BICD2: variants seen among roughly 807,000 people sequenced by gnomAD.
The protein encoded by BICD2 is BICD cargo adaptor 2.
In BICD2, 25 loss-of-function variants were observed where a neutral mutation model predicts 72.9. The observed-to-expected ratio is 0.34, with a 90% CI of 0.25 to 0.48. BICD2 has a LOEUF of 0.48. Among genes scored for constraint, BICD2 ranks in the 20% least tolerant of loss-of-function variants. The probability of loss-of-function intolerance (pLI) is 0.99; values close to 1 mark genes in which losing one functional copy is unlikely to be tolerated. For missense variants in BICD2, 894 were observed against 1,175.2 expected (o/e 0.76, Z 3.50); for synonymous variants, 501 against 516.1 (o/e 0.97, Z 0.40).
chr9:92,764,513 G>T lies in BICD2; in HGVS notation c.232C>A (p.Leu78Ile). 6.5e-7 allele frequency: 1 copy of T among 1,532,714 alleles called. No individual in the cohort carries two copies. The highest frequency in any genetic ancestry group is 8.8e-7 in the Non-Finnish European group (1 of 1,139,512). 94.9% of individuals were successfully genotyped at this position (1,532,714 alleles called of 1,614,324 possible). Residue 78 changes from leucine (L) to isoleucine (I), a missense_variant, in exon 1 of 7, where the codon CTC (leucine) becomes ATC (isoleucine). Transcript: ENST00000356884. This position sits in a 1 kb window ranked among gnomAD's most constrained non-coding sequence, Gnocchi z 5.5. ...YEAIRSEMEQ[L>I]KEAFGQAHTN... ...AGGGCGGCTCGGCTCACCTCCTTGAGCTGCTCCATCTCGCTGCGGATAGCC... is the reference window on the plus strand; with the variant it reads ...AGGGCGGCTCGGCTCACCTCCTTGATCTGCTCCATCTCGCTGCGGATAGCC...
chr9:92,744,912 C>T lies in BICD2; in HGVS notation c.241-15676G>A, dbSNP rs886387478. The stretch of plus-strand genomic sequence containing the variant: ...ACCCAAGGGATGACATATTTGCCAA[C>T]ATACACACATGCACTTAAAATCTAT... On this transcript the variant is annotated intron_variant, in intron 1 of 6. Coordinates refer to ENST00000356884, the MANE Select transcript of BICD2 (RefSeq NM_001003800.2). Among the ~76,000 whole-genome samples, 3 of 152,104 alleles carry T rather than the reference C, an allele frequency of 2.0e-5. No individual in the cohort carries two copies. In the East Asian group the frequency reaches 5.8e-4, roughly 29 times the overall value.
chr9:92,758,387 A>C (rs1854305528), intron 1 of BICD2, among the ~76,000 whole-genome samples: 1 of 149,830 alleles, frequency 6.7e-6, no homozygotes, highest in Non-Finnish European at 1.5e-5. Flanking sequence ...CCTCGTCTCT[A>C]CTAAAAATAC....
chr9:92,752,052 G>A (rs1478507751), intron 1 of BICD2, among the ~76,000 whole-genome samples: 4 of 151,944 alleles, frequency 2.6e-5, no homozygotes, highest in East Asian at 3.9e-4. Flanking sequence ...TGATCCACCC[G>A]CCTCGGCCTC....
At chr9:92,730,914 C>T (rs1440531292) in intron 1 of BICD2, among the ~76,000 whole-genome samples, 2 of 152,252 alleles carry the variant, frequency 1.3e-5, no homozygotes, top group South Asian at 2.1e-4. Context: ...TCAAGGCAAT[C>T]GGGTCAGCTC....
intron 1 of BICD2, among the ~76,000 whole-genome samples, chr9:92,757,092 T>C (rs1365483228): frequency 4.6e-5 from 7 of 152,054 alleles, no homozygotes; most frequent in Non-Finnish European, 2.9e-5. Context: ...GGCAGACTGA[T>C]TGCCTGAACT....
Position 92,720,528 on chromosome 9 carries a change from G to C in BICD2, c.834C>G (p.Val278=), listed in dbSNP as rs1211772210. The part of the protein sequence containing the change: ...NDSFYTSHLH[V]SLDGLKFSDD... ...CACTGAACTTGAGGCCATCCAGCGA[G>C]ACATGCAGGTGGCTGGTGTAGAAGG... Residue 278 remains valine, a synonymous_variant, in exon 4 of 7, where the codon GTC becomes GTG. Coordinates refer to ENST00000356884, the MANE Select transcript of BICD2 (RefSeq NM_001003800.2). The surrounding 1 kb of genome is among the most constrained non-coding windows in gnomAD (Gnocchi z 5.4). 2 of 1,614,102 alleles carry C rather than the reference G, an allele frequency of 1.2e-6. No homozygotes were observed. The highest frequency in any genetic ancestry group is 8.5e-7 in the Non-Finnish European group (1 of 1,180,046).
chr9:92,727,421 C>A (rs1020075579), intron 2 of BICD2, among the ~76,000 whole-genome samples: 2 of 152,300 alleles, frequency 1.3e-5, no homozygotes, highest in African/African-American at 4.8e-5. Flanking sequence ...CAGAGACTGC[C>A]GGTTTACAGA....
chr9:92,742,434 G>A (rs929328680), intron 1 of BICD2, among the ~76,000 whole-genome samples: 1 of 150,558 alleles, frequency 6.6e-6, no homozygotes, highest in Non-Finnish European at 1.5e-5. Context: ...GCCCAGCCTG[G>A]AGTGCAGTGG....
intron 5 of BICD2, among the ~76,000 whole-genome samples, chr9:92,718,181 A>G (rs1406100323): frequency 1.3e-5 from 2 of 152,212 alleles, no homozygotes; most frequent in Non-Finnish European, 2.9e-5. Context: ...AAACCTGCCA[A>G]CAGGACCTCC....
rs117206397 is a variant in BICD2 at position 92,713,016 on chromosome 9, G to A, written c.*2138C>T. The A allele has an allele frequency of 1.9e-3, 325 of 173,214 alleles. 8 individuals are homozygous for A. In the East Asian group the frequency reaches 0.041, roughly 22 times the overall value. The allele number at this position is 173,214 out of a possible 1,614,324, so 10.7% of individuals were successfully genotyped here. Reference sequence around the variant, plus strand: ...AGACAAACACGGTGGGAGCTGAGGCGGACAGCTACAGGACCACGAGCATAG... The same window carrying A: ...AGACAAACACGGTGGGAGCTGAGGCAGACAGCTACAGGACCACGAGCATAG... On this transcript the variant is annotated 3_prime_UTR_variant, in exon 7 of 7. Coordinates refer to ENST00000356884, the MANE Select transcript of BICD2 (RefSeq NM_001003800.2).
chr9:92,715,493 C>A, intron 6 of BICD2, 30 bp from the exon 7 acceptor site: 1 of 1,552,406 alleles, frequency 6.4e-7, no homozygotes, highest in Non-Finnish European at 8.8e-7. Flanking sequence ...GACTGAGGGG[C>A]GGGCAGAGCC....
intron 1 of BICD2, among the ~76,000 whole-genome samples, chr9:92,733,230 A>T (rs1339186598): frequency 3.3e-5 from 5 of 152,254 alleles, no homozygotes; most frequent in Non-Finnish European, 5.9e-5. Flanking sequence ...GTACAAAAAT[A>T]ATTTGATGTC....
intron 2 of BICD2, among the ~76,000 whole-genome samples, chr9:92,725,491 C>G (rs1489035590): frequency 1.3e-5 from 2 of 152,276 alleles, no homozygotes; most frequent in African/African-American, 2.4e-5. Flanking sequence ...AACAGGCTGA[C>G]TGGTCGCCAT....
rs1257300738 is a variant in BICD2 at position 92,714,692 on chromosome 9, T to C, written c.*462A>G. On this transcript the variant is annotated 3_prime_UTR_variant, in exon 7 of 7. Transcript: ENST00000356884. ...CCAAGTGCAAAGCCATCCTCTGAGG[T>C]CGTACCTATGCTGCAGGCTGGAACC... 1 of 990,388 alleles carries C rather than the reference T, an allele frequency of 1.0e-6. No individual in the cohort carries two copies. The highest frequency in any genetic ancestry group is 6.1e-5 in the Admixed American group (1 of 16,428). The allele number at this position is 990,388 out of a possible 1,614,324, so 61.4% of individuals were successfully genotyped here. A position where few individuals can be genotyped will look rare whatever the true frequency, so the allele number is the denominator to read the frequency against.
chr9:92,739,191 C>G (rs1587681958), intron 1 of BICD2, among the ~76,000 whole-genome samples: 1 of 152,240 alleles, frequency 6.6e-6, no homozygotes, highest in African/African-American at 2.4e-5. Context: ...CAGCACCCAC[C>G]TTTCCACCCA....
Position 92,718,953 on chromosome 9 carries a change from G to C in BICD2, c.1692C>G (p.Ala564=). The C allele has an allele frequency of 6.2e-7, 1 of 1,609,742 alleles. No homozygotes were observed. The highest frequency in any genetic ancestry group is 8.5e-7 in the Non-Finnish European group (1 of 1,179,728). The part of the protein sequence containing the change: ...LDYYREGQGG[A]GRTSPGGRTS... ...TGCGGCCCCCGGGACTGGTGCGGCCGGCCCCGCCCTGGCCCTCGCGGTAGT... is the reference window on the plus strand; with the variant it reads ...TGCGGCCCCCGGGACTGGTGCGGCCCGCCCCGCCCTGGCCCTCGCGGTAGT... Residue 564 remains alanine (A), a synonymous_variant, in exon 5 of 7, where the codon GCC becomes GCG. Coordinates refer to ENST00000356884, the MANE Select transcript of BICD2 (RefSeq NM_001003800.2).
intron 1 of BICD2, among the ~76,000 whole-genome samples, chr9:92,762,319 G>GT (rs1854389744): frequency 6.6e-6 from 1 of 152,144 alleles, no homozygotes; most frequent in South Asian, 2.1e-4. Flanking sequence ...TGGCATGGGT[G>GT]TGAGGAACAC....
chr9:92,718,833 G>C lies in BICD2; in HGVS notation c.1812C>G (p.Asp604Glu). 1.2e-6 allele frequency: 2 copies of C among 1,609,870 alleles called. No homozygotes were observed. The highest frequency in any genetic ancestry group is 1.7e-6 in the Non-Finnish European group (2 of 1,178,708). ...GTGAGGAGCCAGGCGAGGGGCTGCTGTCCCCCGTCCCACCATCTGCTCGGC... is the reference window on the plus strand; with the variant it reads ...GTGAGGAGCCAGGCGAGGGGCTGCTCTCCCCCGTCCCACCATCTGCTCGGC... ...EAGRADGGTG[D>E]SSPSPGSSLP... Residue 604 changes from aspartate to glutamate, a missense_variant, in exon 5 of 7, where the codon GAC becomes GAG. Asp to Glu is a conservative substitution (Grantham distance 45, BLOSUM62 2). Transcript: ENST00000356884.
At position 92,728,204 on chromosome 9, in the gene BICD2, C is replaced by T. The variant is rs139953558; in HGVS notation, c.453+820G>A. Among the ~76,000 whole-genome samples the T allele has an allele frequency of 8.0e-3, 1,212 of 152,358 alleles. 23 individuals carry two copies. Among genetic ancestry groups the T allele is most frequent in the African/African-American group, 0.028 (1,145 of 41,568 alleles). On this transcript the variant is annotated intron_variant, in intron 2 of 6. Coordinates refer to ENST00000356884, the MANE Select transcript of BICD2 (RefSeq NM_001003800.2). Reference sequence around the variant, plus strand: ...ATCCTGCTTTGGCCACATCGTTCCCCTGGGCTCCCCAGTCCTCCACAACTC... The same window carrying T: ...ATCCTGCTTTGGCCACATCGTTCCCTTGGGCTCCCCAGTCCTCCACAACTC...
Sources: allele counts gnomAD v4.1 joint callset (sites outside exome capture counted in the v4.1 genomes callset), GRCh38; gene constraint gnomAD v4.1.1; non-coding constraint Gnocchi (gnomAD v3.1); transcripts MANE v1.5; gene names NCBI Gene and HGNC (gene_info 2026-07-23, HGNC 2026-07-21).